AKAP19: variants seen among roughly 807,000 people sequenced by gnomAD.
AKAP19 encodes the protein A-kinase anchoring protein 19.
the AKAP19 span, among the ~76,000 whole-genome samples, chr2:190,106,261 T>C: frequency 6.6e-6 from 1 of 152,240 alleles, no homozygotes; most frequent in African/African-American, 2.4e-5. Flanking sequence ...TAAATTACAT[T>C]GAGACTCAAG....
the AKAP19 span, among the ~76,000 whole-genome samples, chr2:190,194,817 TA>T: frequency 6.6e-6 from 1 of 152,074 alleles, no homozygotes; most frequent in African/African-American, 2.4e-5. Flanking sequence ...CTTAACTTAG[TA>T]ATAAGTATTT....
At chr2:189,954,158 C>CT in the AKAP19 span, among the ~76,000 whole-genome samples, 1 of 152,150 alleles carries the variant, frequency 6.6e-6, no homozygotes, top group Non-Finnish European at 1.5e-5. Context: ...TTCCGCAAGT[C>CT]TTTTTTCTTA....
the AKAP19 span, among the ~76,000 whole-genome samples, chr2:190,157,943 G>A: frequency 6.6e-6 from 1 of 152,208 alleles, no homozygotes; most frequent in East Asian, 1.9e-4. Flanking sequence ...CAGGCAGCCC[G>A]GCGCCAGGCC....
chr2:190,096,024 A>G, the AKAP19 span, among the ~76,000 whole-genome samples: 1 of 152,174 alleles, frequency 6.6e-6, no homozygotes, highest in Non-Finnish European at 1.5e-5. Context: ...TGGGTGGCCT[A>G]TAGAAGCTGG....
chr2:189,965,941 T>C, the AKAP19 span, among the ~76,000 whole-genome samples: 1 of 151,070 alleles, frequency 6.6e-6, no homozygotes, highest in Non-Finnish European at 1.5e-5. Flanking sequence ...GTGGTATATA[T>C]GTATGTATGT....
the AKAP19 span, among the ~76,000 whole-genome samples, chr2:190,196,110 T>C: frequency 6.6e-6 from 1 of 152,138 alleles, no homozygotes. Context: ...TGGAAGGCTT[T>C]TTCATATGTT....
At chr2:190,093,452 TAATTA>T in the AKAP19 span, among the ~76,000 whole-genome samples, 2 of 151,390 alleles carry the variant, frequency 1.3e-5, no homozygotes, top group African/African-American at 4.9e-5. Context: ...AGAAAACAAG[TAATTA>T]AATACTAAAC....
At chr2:190,049,865 A>G in the AKAP19 span, among the ~76,000 whole-genome samples, 1 of 152,256 alleles carries the variant, frequency 6.6e-6, no homozygotes, top group African/African-American at 2.4e-5. Context: ...ATTTAGGGAT[A>G]CACATATATA....
the AKAP19 span, among the ~76,000 whole-genome samples, chr2:190,192,408 T>C: frequency 7.3e-5 from 11 of 151,664 alleles, no homozygotes; most frequent in African/African-American, 2.7e-4. Flanking sequence ...TTCTCAAAAT[T>C]GTTTTGGCCA....
the AKAP19 span, among the ~76,000 whole-genome samples, chr2:190,135,293 T>C: frequency 6.6e-6 from 1 of 152,148 alleles, no homozygotes; most frequent in Non-Finnish European, 1.5e-5. Flanking sequence ...TCTTGCTACT[T>C]AAGGTGTGGA....
the AKAP19 span, among the ~76,000 whole-genome samples, chr2:190,193,838 TTTAA>T: frequency 6.6e-6 from 1 of 152,140 alleles, no homozygotes; most frequent in Non-Finnish European, 1.5e-5. Flanking sequence ...TTATTTTGGG[TTTAA>T]TTTGCTTTTC....
the AKAP19 span, among the ~76,000 whole-genome samples, chr2:189,935,299 T>C: frequency 6.9e-6 from 1 of 144,598 alleles, no homozygotes; most frequent in South Asian, 2.2e-4. Context: ...AACTAGCACG[T>C]GTGCAAAAAG....
chr2:189,927,960 T>C, the AKAP19 span, among the ~76,000 whole-genome samples: 1 of 152,220 alleles, frequency 6.6e-6, no homozygotes, highest in African/African-American at 2.4e-5. Context: ...ATGTTGCCAG[T>C]TGTCCCATTA....
the AKAP19 span, among the ~76,000 whole-genome samples, chr2:190,144,101 G>A: frequency 6.7e-6 from 1 of 149,880 alleles, no homozygotes; most frequent in African/African-American, 2.4e-5. Context: ...CAGCACACCA[G>A]CATGGCACAT....
the AKAP19 span, among the ~76,000 whole-genome samples, chr2:189,996,132 T>C: frequency 6.6e-6 from 1 of 152,352 alleles, no homozygotes; most frequent in African/African-American, 2.4e-5. Context: ...TGTATTTGGA[T>C]GTCTAGATCT....
the AKAP19 span, among the ~76,000 whole-genome samples, chr2:189,900,768 G>A: frequency 6.6e-6 from 1 of 152,184 alleles, no homozygotes; most frequent in Admixed American, 6.5e-5. Context: ...GATAAAGAAA[G>A]GCAGGTTTAT....
At chr2:189,949,233 C>G in the AKAP19 span, among the ~76,000 whole-genome samples, 6 of 152,210 alleles carry the variant, frequency 3.9e-5, no homozygotes, top group Non-Finnish European at 5.9e-5. Flanking sequence ...ATGCAGAACC[C>G]GTAGATGTGG....
chr2:189,910,170 A>G, the AKAP19 span, among the ~76,000 whole-genome samples: 1 of 152,124 alleles, frequency 6.6e-6, no homozygotes, highest in Non-Finnish European at 1.5e-5. Context: ...TGAAAGAGTT[A>G]TTTAAATTAC....
At chr2:190,190,675 A>G in the AKAP19 span, among the ~76,000 whole-genome samples, 1 of 152,332 alleles carries the variant, frequency 6.6e-6, no homozygotes, top group African/African-American at 2.4e-5. Flanking sequence ...TTCCAGCAAT[A>G]TATGCGTTGC....
Sources: gnomAD v4.1 joint callset for allele counts (sites outside exome capture counted in the v4.1 genomes callset) on GRCh38, gnomAD v4.1.1 for gene constraint, MANE v1.5 for transcripts, NCBI Gene and HGNC (gene_info 2026-07-23, HGNC 2026-07-21) for gene names.